NLGN1: variants seen among roughly 807,000 people sequenced by gnomAD.
NLGN1 encodes neuroligin 1.
In NLGN1, 12 loss-of-function variants were observed where a neutral mutation model predicts 65.5. That is an observed-to-expected ratio of 0.18 (90% CI 0.12 to 0.30). The LOEUF (loss-of-function observed/expected upper bound fraction) is 0.30, where lower values mean the gene tolerates loss of function less well. Ranked by LOEUF, NLGN1 falls within the 10% of genes least tolerant of loss-of-function variation. The pLI is 1.00. For missense variants in NLGN1, 750 were observed against 1,007.1 expected (o/e 0.74, Z 3.46); for synonymous variants, 350 against 359.5 (o/e 0.97, Z 0.30).
intron 4 of NLGN1, among the ~76,000 whole-genome samples, chr3:174,071,645 G>T (rs558232751): frequency 6.6e-6 from 1 of 151,052 alleles, no homozygotes; most frequent in African/African-American, 2.4e-5. Context: ...GGAGAAGATT[G>T]CAGTGAGCCA....
At chr3:173,464,634 C>G (rs190001980) in intron 2 of NLGN1, among the ~76,000 whole-genome samples, 1 of 152,016 alleles carries the variant, frequency 6.6e-6, no homozygotes, top group East Asian at 1.9e-4. Flanking sequence ...GGGGTTTCTC[C>G]ATGTTGGTCA....
At chr3:173,857,681 C>T (rs961872043) in intron 4 of NLGN1, among the ~76,000 whole-genome samples, 10 of 151,980 alleles carry the variant, frequency 6.6e-5, no homozygotes, top group Admixed American at 6.6e-4. Context: ...TATTGGGCTA[C>T]ATTGAGCATC....
chr3:173,555,144 A>C (rs1187437145), intron 2 of NLGN1, among the ~76,000 whole-genome samples: 2 of 152,222 alleles, frequency 1.3e-5, no homozygotes, highest in African/African-American at 2.4e-5. Context: ...TATAGAAGTA[A>C]GTTTTTATCA....
At chr3:173,781,033 A>G (rs1476397996) in intron 3 of NLGN1, among the ~76,000 whole-genome samples, 5 of 150,648 alleles carry the variant, frequency 3.3e-5, no homozygotes, top group Admixed American at 1.3e-4. Context: ...AGTCCCAGCT[A>G]CTCGGGAGGC....
intron 3 of NLGN1, among the ~76,000 whole-genome samples, chr3:173,689,644 G>A (rs952911360): frequency 4.6e-5 from 7 of 152,084 alleles, no homozygotes; most frequent in African/African-American, 9.7e-5. Flanking sequence ...GCTCCCATGC[G>A]CTGCAAAATC....
At chr3:173,564,786 G>A (rs1441848792) in intron 2 of NLGN1, among the ~76,000 whole-genome samples, 1 of 152,164 alleles carries the variant, frequency 6.6e-6, no homozygotes, top group Admixed American at 6.5e-5. Context: ...TAGCCTAACT[G>A]AACTTGTTTT....
intron 4 of NLGN1, among the ~76,000 whole-genome samples, chr3:174,089,860 T>C (rs1307486070): frequency 6.6e-6 from 1 of 150,466 alleles, no homozygotes; most frequent in Non-Finnish European, 1.5e-5. Context: ...CAGAGTAAGC[T>C]CTATAATATT....
chr3:173,669,406 A>G (rs1214484229), intron 3 of NLGN1, among the ~76,000 whole-genome samples: 1 of 152,192 alleles, frequency 6.6e-6, no homozygotes, highest in Non-Finnish European at 1.5e-5. Flanking sequence ...GCACTAAGAA[A>G]AGATCTGTTC....
At chr3:174,265,282 G>A (rs1010935155) in intron 4 of NLGN1, among the ~76,000 whole-genome samples, 8 of 151,740 alleles carry the variant, frequency 5.3e-5, no homozygotes, top group East Asian at 4.0e-4. Context: ...CCCCAGCCTC[G>A]CTGCCGCCTT....
chr3:173,474,970 GA>G (rs1268542784), intron 2 of NLGN1, among the ~76,000 whole-genome samples: 4 of 151,400 alleles, frequency 2.6e-5, no homozygotes, highest in Non-Finnish European at 3.0e-5. Flanking sequence ...GGAAAAAAAA[GA>G]AAAAAAGAAA....
intron 4 of NLGN1, among the ~76,000 whole-genome samples, chr3:173,866,851 A>G (rs1730275687): frequency 6.6e-6 from 1 of 152,174 alleles, no homozygotes; most frequent in Non-Finnish European, 1.5e-5. Flanking sequence ...TTTTGTCATT[A>G]GAAGCGATAG....
chr3:174,195,849 T>C (rs529092794), intron 4 of NLGN1, among the ~76,000 whole-genome samples: 1 of 152,250 alleles, frequency 6.6e-6, no homozygotes, highest in African/African-American at 2.4e-5. Context: ...GGTAGAAATT[T>C]ACTAACATAG....
At chr3:173,563,349 C>T (rs1743091407) in intron 2 of NLGN1, among the ~76,000 whole-genome samples, 1 of 152,186 alleles carries the variant, frequency 6.6e-6, no homozygotes, top group African/African-American at 2.4e-5. Flanking sequence ...AGAGATGCCC[C>T]ATCCTCACCT....
chr3:174,050,265 T>G (rs114492738), intron 4 of NLGN1, among the ~76,000 whole-genome samples: 1 of 152,246 alleles, frequency 6.6e-6, no homozygotes, highest in Middle Eastern at 3.4e-3. Context: ...TGTAGGCTAC[T>G]ATGGCATTGA....
At chr3:173,932,771 G>A (rs896388252) in intron 4 of NLGN1, among the ~76,000 whole-genome samples, 3 of 152,092 alleles carry the variant, frequency 2.0e-5, no homozygotes, top group African/African-American at 7.2e-5. Flanking sequence ...CTTGAAGGCT[G>A]TTTGGCTGGG....
chr3:173,791,375 C>T (rs192303612), intron 3 of NLGN1, among the ~76,000 whole-genome samples: 49 of 152,210 alleles, frequency 3.2e-4, no homozygotes, highest in African/African-American at 1.1e-3. Context: ...TTTTTCCAAG[C>T]TTTAAGTATT....
intron 3 of NLGN1, among the ~76,000 whole-genome samples, chr3:173,771,221 T>C (rs1479001492): frequency 6.6e-6 from 1 of 152,214 alleles, no homozygotes. Context: ...TCCCATTATA[T>C]GATAACATCT....
At chr3:173,804,612 CAAAT>C (rs1276561554) in intron 3 of NLGN1, among the ~76,000 whole-genome samples, 3 of 120,690 alleles carry the variant, frequency 2.5e-5, no homozygotes, top group Non-Finnish European at 5.2e-5. Context: ...TTTCTAAAAA[CAAAT>C]AAATAGTTGT....
chr3:173,415,943 A>AGCGCGCGCGC lies in NLGN1; in HGVS notation c.-390+17458_-390+17459insGCGCGCGCGC, dbSNP rs1553844364. Among the ~76,000 whole-genome samples the AGCGCGCGCGC allele has an allele frequency of 1.8e-4, 26 of 142,878 alleles. 1 individual carries two copies. Among genetic ancestry groups the AGCGCGCGCGC allele is most frequent in the African/African-American group, 7.3e-4 (26 of 35,846 alleles). The allele number at this position is 142,878 out of a possible 152,430, so 93.7% of individuals were successfully genotyped here. A position where few individuals can be genotyped will look rare whatever the true frequency, so the allele number is the denominator to read the frequency against. ...GGGAGAGAGAGAGAGAGAGAGAGAGAGCTTGGTATAGAGCCTAACACACAA... is the reference window on the plus strand; with the variant it reads ...GGGAGAGAGAGAGAGAGAGAGAGAGAGCGCGCGCGCGCTTGGTATAGAGCCTAACACACAA... On this transcript the variant is annotated intron_variant, in intron 1 of 6. Transcript: ENST00000457714.
Sources: allele counts gnomAD v4.1 joint callset (sites outside exome capture counted in the v4.1 genomes callset), GRCh38; gene constraint gnomAD v4.1.1; transcripts MANE v1.5; gene names NCBI Gene and HGNC (gene_info 2026-07-23, HGNC 2026-07-21).